Variants in KCNC2 observed in about 807,000 individuals in gnomAD.
The protein encoded by KCNC2 is potassium voltage-gated channel subfamily C member 2, also known as voltage-gated potassium channel KCNC2.
In KCNC2, 21 loss-of-function variants were observed where a neutral mutation model predicts 44.5. That is an observed-to-expected ratio of 0.47 (90% confidence interval 0.33 to 0.68). The LOEUF (loss-of-function observed/expected upper bound fraction) is 0.68, where lower values mean the gene tolerates loss of function less well. Among genes scored for constraint, KCNC2 ranks in the 30% least tolerant of loss-of-function variants. KCNC2 has a pLI of 0.01. For synonymous variants in KCNC2, 391 were observed against 339.1 expected, an observed-to-expected ratio of 1.15 and a Z score of -1.68; for missense variants, 589 against 826.2, an observed-to-expected ratio of 0.71 and a Z score of 3.52.
intron 2 of KCNC2, among the ~76,000 whole-genome samples, chr12:75,102,453 T>C (rs890063488): frequency 8.5e-5 from 13 of 152,070 alleles, no homozygotes; most frequent in Non-Finnish European, 1.6e-4. Context: ...GTAGCATTAT[T>C]ATCCAGGAAG....
chr12:75,209,806 G>T lies in KCNC2; in HGVS notation c.-619C>A, dbSNP rs981343740. 6.6e-6 allele frequency: 1 copy of T among 152,084 alleles called. No homozygotes were observed. The highest frequency in any genetic ancestry group is 1.5e-5 in the Non-Finnish European group (1 of 68,080). The allele number at this position is 152,084 out of a possible 1,614,324, so 9.4% of individuals were successfully genotyped here. ...AACCAGGTTCACATATTTTTCTTCC[G>T]TGAAGCTCTGTCTCCACCCTCTCTG... On this transcript the variant is annotated 5_prime_UTR_variant, in exon 1 of 5. Transcript: ENST00000549446.
At chr12:75,181,474 C>T (rs942114307) in intron 2 of KCNC2, among the ~76,000 whole-genome samples, 1 of 152,136 alleles carries the variant, frequency 6.6e-6, no homozygotes, top group African/African-American at 2.4e-5. Context: ...TTTCTTCCTC[C>T]TACTACTAAG....
chr12:75,132,046 ACAAGTTGGT>A (rs1344736679), intron 2 of KCNC2, among the ~76,000 whole-genome samples: 2 of 152,194 alleles, frequency 1.3e-5, no homozygotes, highest in Non-Finnish European at 2.9e-5. Context: ...CTAATTTTAC[ACAAGTTGGT>A]CAAATTTTAC....
chr12:75,055,159 T>C (rs551885735), intron 2 of KCNC2, among the ~76,000 whole-genome samples: 1 of 152,232 alleles, frequency 6.6e-6, no homozygotes, highest in South Asian at 2.1e-4. Context: ...TCTTGCTCCT[T>C]GCACGATTGT....
At chr12:75,128,474 C>T (rs1213528872) in intron 2 of KCNC2, among the ~76,000 whole-genome samples, 1 of 152,074 alleles carries the variant, frequency 6.6e-6, no homozygotes, top group Admixed American at 6.6e-5. Context: ...AGAACCTACT[C>T]AAAGAAGGGA....
chr12:75,140,287 G>C (rs1047250032), intron 2 of KCNC2: 1 of 152,148 alleles, frequency 6.6e-6, no homozygotes, highest in African/African-American at 2.4e-5. Context: ...ACTGGCCAAA[G>C]TAAGTCGGAT....
rs1403203968 is a variant in KCNC2, at chr12:75,042,601, C to T, written c.*504G>A. ...TCGATGCAAGTACACATATCCTGAG[C>T]TATCCACAGTCCCCGAACTCTGCAA... On this transcript the variant is annotated 3_prime_UTR_variant, in exon 5 of 5. Transcript: ENST00000549446. The T allele has an allele frequency of 7.5e-7, 1 of 1,332,254 alleles. No homozygotes were observed. Among genetic ancestry groups the T allele is most frequent in the African/African-American group, 1.5e-5 (1 of 66,662 alleles). 82.5% of individuals were successfully genotyped at this position (1,332,254 alleles called of 1,614,324 possible).
chr12:75,091,227 T>C (rs530827119), intron 2 of KCNC2, among the ~76,000 whole-genome samples: 15 of 151,904 alleles, frequency 9.9e-5, no homozygotes, highest in African/African-American at 3.6e-4. Context: ...ATTATTACTA[T>C]AATGCTCATC....
intron 2 of KCNC2, among the ~76,000 whole-genome samples, chr12:75,191,542 TTTTTTTTTTTTTTTTTTTG>T (rs1565681639): frequency 6.0e-4 from 27 of 45,044 alleles, no homozygotes; most frequent in Middle Eastern, 9.6e-3. Context: ...TTTTTTTTTT[TTTTTTTTTTTTTTTTTTTG>T]GAGACGGAGT....
At chr12:75,178,026 T>C (rs764828792) in intron 2 of KCNC2, among the ~76,000 whole-genome samples, 8 of 152,046 alleles carry the variant, frequency 5.3e-5, no homozygotes, top group Non-Finnish European at 7.4e-5. Context: ...AGGCCTACCA[T>C]TGATGCCTCT....
chr12:75,163,223 A>G (rs1891232752), intron 2 of KCNC2, among the ~76,000 whole-genome samples: 1 of 151,728 alleles, frequency 6.6e-6, no homozygotes, highest in African/African-American at 2.4e-5. Context: ...TTTTACATTA[A>G]TTAATAAAGC....
chr12:75,208,583 C>CA (rs1194104974), intron 1 of KCNC2, among the ~76,000 whole-genome samples: 1 of 147,072 alleles, frequency 6.8e-6, no homozygotes, highest in Non-Finnish European at 1.5e-5. Flanking sequence ...ACCCTCCCCC[C>CA]ACCCTGTGAA....
intron 2 of KCNC2, among the ~76,000 whole-genome samples, chr12:75,123,096 G>T (rs1244517569): frequency 6.6e-6 from 1 of 152,044 alleles, no homozygotes; most frequent in East Asian, 1.9e-4. Flanking sequence ...ATGAAATAAA[G>T]ATTGGAATAT....
chr12:75,055,302 A>G (rs1164079597), intron 2 of KCNC2, among the ~76,000 whole-genome samples: 1 of 142,684 alleles, frequency 7.0e-6, no homozygotes, highest in Non-Finnish European at 1.5e-5. Context: ...ATATAAATCA[A>G]ACAATGAAAA....
At chr12:75,202,755 G>A (rs1299660605) in intron 2 of KCNC2, among the ~76,000 whole-genome samples, 2 of 147,962 alleles carry the variant, frequency 1.4e-5, no homozygotes, top group Middle Eastern at 3.6e-3. Flanking sequence ...TTTCTAAAAG[G>A]AATATTTTAC....
intron 2 of KCNC2, among the ~76,000 whole-genome samples, chr12:75,179,592 G>A (rs1280442789): frequency 1.4e-4 from 21 of 147,640 alleles, no homozygotes; most frequent in Non-Finnish European, 2.7e-4. Flanking sequence ...TAGAATGAAG[G>A]CATAAAAATG....
At chr12:75,112,087 T>C (rs1242773255) in intron 2 of KCNC2, among the ~76,000 whole-genome samples, 1 of 151,938 alleles carries the variant, frequency 6.6e-6, no homozygotes, top group Non-Finnish European at 1.5e-5. Flanking sequence ...ATACAAAATG[T>C]CTGTTACAAT....
At chr12:75,172,995 A>G (rs1439778070) in intron 2 of KCNC2, among the ~76,000 whole-genome samples, 1 of 151,914 alleles carries the variant, frequency 6.6e-6, no homozygotes, top group Admixed American at 6.6e-5. Flanking sequence ...GAGATCCCAG[A>G]TCAAACAGAA....
At chr12:75,046,356 T>C (rs11180341) in intron 4 of KCNC2, among the ~76,000 whole-genome samples, 2,202 of 151,888 alleles carry the variant, frequency 0.014, 53 homozygotes, top group African/African-American at 0.05. Flanking sequence ...TAGTGCCTTA[T>C]AATTTGCAAA....
Sources: gnomAD v4.1 joint callset for allele counts (sites outside exome capture counted in the v4.1 genomes callset) on GRCh38, gnomAD v4.1.1 for gene constraint, MANE v1.5 for transcripts, NCBI Gene and HGNC (gene_info 2026-07-23, HGNC 2026-07-21) for gene names.